The following CDCA2 variants were observed in gnomAD, a reference collection of about 807,000 sequenced individuals.
The protein encoded by CDCA2 is cell division cycle-associated protein 2.
In CDCA2, 44 loss-of-function variants were observed where a neutral mutation model predicts 67.0. That is an observed-to-expected ratio of 0.66 (90% CI 0.52 to 0.84). The LOEUF is 0.84. Ranked by LOEUF, CDCA2 falls within the 40% of genes least tolerant of loss-of-function variation. The pLI is 0.00. For missense variants in CDCA2, 1,253 were observed against 1,203.2 expected, an observed-to-expected ratio of 1.04 and a Z score of -0.61; for synonymous variants, 447 against 418.7, an observed-to-expected ratio of 1.07 and a Z score of -0.82.
chr8:25,468,946 GT>G (rs1327588538), intron 6 of CDCA2, among the ~76,000 whole-genome samples: 1 of 152,208 alleles, frequency 6.6e-6, no homozygotes, highest in Non-Finnish European at 1.5e-5. Context: ...CTTCTTTCAA[GT>G]AGCTCTAGGG....
At chr8:25,459,843 G>A (rs1330975223) in intron 1 of CDCA2, among the ~76,000 whole-genome samples, 1 of 152,128 alleles carries the variant, frequency 6.6e-6, no homozygotes, top group Non-Finnish European at 1.5e-5. Context: ...GGAAGGAAGT[G>A]GAGATGGTTA....
Position 25,485,768 on chromosome 8 carries a change from G to T in CDCA2, c.1375G>T (p.Glu459Ter). 6.2e-7 allele frequency: 1 copy of T among 1,602,330 alleles called. No individual in the cohort carries two copies. Among genetic ancestry groups the T allele is most frequent in the South Asian group, 1.1e-5 (1 of 89,588 alleles). ...CTTTTCCTTTGTTTAGGAAAACATA[G>T]AACCACTTCAAGTATCATTTGCCGT... ...DDKGENLENI[E>*]PLQVSFAVLS... The change falls in exon 11 of 15, where the codon GAA (glutamate) becomes TAA (stop). Residue 459 changes from glutamate to a stop codon, truncating the protein, a stop_gained. Coordinates refer to ENST00000330560, the MANE Select transcript of CDCA2 (RefSeq NM_152562.4). LOFTEE classifies it high-confidence loss of function.
At chr8:25,465,349 C>T (rs897511785) in intron 4 of CDCA2, among the ~76,000 whole-genome samples, 5 of 150,520 alleles carry the variant, frequency 3.3e-5, no homozygotes, top group Non-Finnish European at 7.4e-5. Flanking sequence ...TAAACATTGC[C>T]ACAAACTTCA....
intron 7 of CDCA2, among the ~76,000 whole-genome samples, chr8:25,472,961 TTATC>T (rs909753226): frequency 2.6e-5 from 4 of 152,184 alleles, no homozygotes. Context: ...CTGATTCCAC[TTATC>T]TATCTGAAAC....
rs894010762 is a variant in CDCA2, at chr8:25,506,216, G to A, written c.1844-294G>A. On this transcript the variant is annotated intron_variant, in intron 14 of 14. Transcript: ENST00000330560. ...CATACTCATGGACCTTGTAGCACGGGAAGGGTGTTAGAATGGAGGAAGCTG... is the reference window on the plus strand; with the variant it reads ...CATACTCATGGACCTTGTAGCACGGAAAGGGTGTTAGAATGGAGGAAGCTG... 2.0e-5 allele frequency among the ~76,000 whole-genome samples: 3 copies of A among 152,202 alleles called. No homozygotes were observed. The South Asian group carries it at 6.2e-4, about 32-fold the overall frequency.
chr8:25,468,760 T>C (rs894410095), intron 6 of CDCA2, among the ~76,000 whole-genome samples: 1 of 152,106 alleles, frequency 6.6e-6, no homozygotes, highest in African/African-American at 2.4e-5. Flanking sequence ...TAGGCAGTAT[T>C]TTTTCTACTG....
At position 25,469,905 on chromosome 8, in the gene CDCA2, A is replaced by G. The variant is rs149146216; in HGVS notation, c.745A>G (p.Lys249Glu). 1.2e-4 allele frequency: 192 copies of G among 1,608,056 alleles called. No individual in the cohort carries two copies. In the South Asian group the frequency reaches 1.6e-3, roughly 14 times the overall value. The change falls in exon 7 of 15, where the codon AAA (lysine) becomes GAA (glutamate). Residue 249 changes from lysine (K) to glutamate (E), a missense_variant. Transcript: ENST00000330560. ...TSVDLSEISS[K>E]LGSTQSGFLV... Reference sequence around the variant, plus strand: ...TCAATTTTTCCCCAAGATATCATCTAAACTTGGTTCAACACAGTCTGGATT... The same window carrying G: ...TCAATTTTTCCCCAAGATATCATCTGAACTTGGTTCAACACAGTCTGGATT...
At chr8:25,466,377 C>G (rs1262661966) in intron 5 of CDCA2, 52 bp downstream of exon 5, 1 of 1,469,830 alleles carries the variant, frequency 6.8e-7, no homozygotes, top group Non-Finnish European at 9.1e-7. Flanking sequence ...TAAAGACAAG[C>G]TTCTGAGTTA....
chr8:25,486,833 A>G (rs1237383369), intron 11 of CDCA2, among the ~76,000 whole-genome samples: 1 of 152,106 alleles, frequency 6.6e-6, no homozygotes, highest in Non-Finnish European at 1.5e-5. Flanking sequence ...CAAGTGGTCA[A>G]AATAAAATTT....
chr8:25,504,034 G>A (rs1233126947), intron 14 of CDCA2, among the ~76,000 whole-genome samples: 4 of 151,510 alleles, frequency 2.6e-5, no homozygotes, highest in Non-Finnish European at 2.9e-5. Flanking sequence ...AAAAAAAAAG[G>A]AACAAAAAAA....
intron 5 of CDCA2, among the ~76,000 whole-genome samples, chr8:25,467,298 C>CT (rs1021546491): frequency 4.7e-4 from 72 of 152,254 alleles, no homozygotes; most frequent in African/African-American, 1.6e-3. Context: ...CTTGAACCAT[C>CT]TTTAAGTGCA....
At position 25,469,990 on chromosome 8, in the gene CDCA2, C is replaced by G; in HGVS notation, c.820+10C>G. 6.4e-7 allele frequency: 1 copy of G among 1,568,602 alleles called. No homozygotes were observed. Among genetic ancestry groups the G allele is most frequent in the Non-Finnish European group, 8.8e-7 (1 of 1,140,386 alleles). On this transcript the variant is annotated intron_variant, in intron 7 of 14. Coordinates refer to ENST00000330560, the MANE Select transcript of CDCA2 (RefSeq NM_152562.4). ...ACAGAGACTTCAAATGGTAAGTAAT[C>G]TTTTCTTAGTACATGGCCAGTTGCC...
At chr8:25,465,232 C>T (rs896201185) in intron 4 of CDCA2, among the ~76,000 whole-genome samples, 1 of 152,174 alleles carries the variant, frequency 6.6e-6, no homozygotes, top group African/African-American at 2.4e-5. Flanking sequence ...CCTTGGCCTC[C>T]CAAAATGCTG....
chr8:25,495,622 A>G (rs550698820), intron 13 of CDCA2, among the ~76,000 whole-genome samples: 21 of 152,200 alleles, frequency 1.4e-4, no homozygotes, highest in Admixed American at 7.9e-4. Context: ...GGGTTTCACC[A>G]TGTTAGCCAG....
intron 12 of CDCA2, 75 bp downstream of exon 12, chr8:25,487,409 G>A: frequency 1.1e-6 from 1 of 913,120 alleles, no homozygotes; most frequent in Non-Finnish European, 1.8e-6. Context: ...ATGGCCAAAT[G>A]ATAATGGGTG....
chr8:25,495,788 A>G (rs1055206023), intron 13 of CDCA2, among the ~76,000 whole-genome samples: 7 of 152,232 alleles, frequency 4.6e-5, no homozygotes, highest in Non-Finnish European at 7.3e-5. Context: ...GAAACACTCA[A>G]TAGAAGCACT....
rs1330799722 is a variant in CDCA2, at chr8:25,462,057, A to G, written c.236A>G (p.Lys79Arg). 1.2e-6 allele frequency: 2 copies of G among 1,612,640 alleles called. No homozygotes were observed. The highest frequency in any genetic ancestry group is 1.7e-5 in the Admixed American group (1 of 59,920). Reference sequence around the variant, plus strand: ...TTATAAGAGAGTTTCATTACAGGAAAGTCATCATCCTACCTTAAAAAATGT... The same window carrying G: ...TTATAAGAGAGTTTCATTACAGGAAGGTCATCATCCTACCTTAAAAAATGT... ...PESFVRNSAG[K>R]SSSYLKKCRR... Residue 79 changes from lysine to arginine, a missense_variant, in exon 4 of 15, where the codon AAG becomes AGG. Physicochemically the swap from Lys to Arg is conservative, Grantham distance 26 (BLOSUM62 2). Coordinates refer to ENST00000330560, the MANE Select transcript of CDCA2 (RefSeq NM_152562.4).
intron 5 of CDCA2, 81 bp from the exon 6 acceptor site, chr8:25,468,136 A>AAG (rs1586469709): frequency 3.5e-6 from 2 of 574,640 alleles, no homozygotes; most frequent in East Asian, 1.1e-4. Flanking sequence ...AAAAAAAAAA[A>AAG]AAAGAAAAGA....
chr8:25,493,087 A>C (rs922145632), intron 13 of CDCA2, among the ~76,000 whole-genome samples: 2 of 152,226 alleles, frequency 1.3e-5, no homozygotes, highest in Admixed American at 6.5e-5. Context: ...GCCTGGCCAT[A>C]GTAAGCTTTG....
Sources: allele counts gnomAD v4.1 joint callset (sites outside exome capture counted in the v4.1 genomes callset), GRCh38; gene constraint gnomAD v4.1.1; transcripts MANE v1.5; gene names NCBI Gene and HGNC (gene_info 2026-07-23, HGNC 2026-07-21).